Variants in UNC13C observed in about 807,000 individuals in gnomAD.
UNC13C encodes the protein protein unc-13 homolog C.
In UNC13C, 174 loss-of-function variants were observed where a neutral mutation model predicts 245.4. The ratio of observed to expected loss-of-function variants is 0.71; its 90% CI spans 0.63 to 0.80. The LOEUF (loss-of-function observed/expected upper bound fraction) is 0.80. UNC13C is among the 30% of genes least tolerant of loss of function. The pLI is 0.00. For missense variants in UNC13C, 2,829 were observed against 2,602.9 expected, an observed-to-expected ratio of 1.09 and a Z score of -1.89; for synonymous variants, 992 against 895.1, an observed-to-expected ratio of 1.11 and a Z score of -1.93.
intron 1 of UNC13C, among the ~76,000 whole-genome samples, chr15:53,984,493 A>T (rs1039110999): frequency 2.0e-5 from 3 of 152,190 alleles, no homozygotes; most frequent in Admixed American, 6.6e-5. Context: ...GTGTTTGTGC[A>T]AACTTTGGCA....
intron 2 of UNC13C, among the ~76,000 whole-genome samples, chr15:54,054,441 A>T (rs1362556799): frequency 6.6e-6 from 1 of 152,184 alleles, no homozygotes; most frequent in Non-Finnish European, 1.5e-5. Flanking sequence ...TCACAGGATG[A>T]TTTCCTGCTA....
intron 2 of UNC13C, among the ~76,000 whole-genome samples, chr15:54,032,428 G>A (rs202070933): frequency 2.3e-4 from 35 of 152,288 alleles, no homozygotes; most frequent in East Asian, 1.9e-3. Flanking sequence ...CCTTCATTGC[G>A]TTGATGAGTG....
intron 17 of UNC13C, among the ~76,000 whole-genome samples, chr15:54,338,766 C>T (rs1447867668): frequency 6.6e-6 from 1 of 152,168 alleles, no homozygotes; most frequent in Non-Finnish European, 1.5e-5. Flanking sequence ...TTCTCAAGGT[C>T]ACAAGGTAGG....
intron 18 of UNC13C, among the ~76,000 whole-genome samples, chr15:54,403,462 A>G (rs917960197): frequency 1.3e-5 from 2 of 152,030 alleles, no homozygotes; most frequent in African/African-American, 4.8e-5. Context: ...TGGTTCACGC[A>G]TGTAATCCCA....
intron 19 of UNC13C, among the ~76,000 whole-genome samples, chr15:54,455,199 CTCTCTCTATATATATATATA>C (rs1469886860): frequency 1.3e-4 from 5 of 38,766 alleles, no homozygotes; most frequent in African/African-American, 4.2e-4. Flanking sequence ...CTCTCTCTCT[CTCTCTCTATATATATATATA>C]TATATATATA....
intron 26 of UNC13C, among the ~76,000 whole-genome samples, chr15:54,535,523 A>C (rs1306758924): frequency 1.3e-5 from 2 of 152,116 alleles, no homozygotes; most frequent in Non-Finnish European, 2.9e-5. Flanking sequence ...CAGGATACTC[A>C]ACCCAACAAA....
At chr15:54,358,479 A>G (rs966509288) in intron 17 of UNC13C, among the ~76,000 whole-genome samples, 9 of 152,084 alleles carry the variant, frequency 5.9e-5, no homozygotes, top group African/African-American at 2.2e-4. Flanking sequence ...AATTATTTGC[A>G]TCTTCTTCAA....
At position 53,978,839 on chromosome 15, in the gene UNC13C, T is replaced by A. The variant is rs950465994; in HGVS notation, c.-345T>A. On this transcript the variant is annotated 5_prime_UTR_variant, in exon 1 of 33. Transcript: ENST00000260323. ...ACTAGAAACACAATTGCAAGTGGTG[T>A]TCCTAAAAGGAAAACACATACACTC... Among the ~76,000 whole-genome samples the A allele has an allele frequency of 2.0e-5, 3 of 152,196 alleles. No individual in the cohort carries two copies. The South Asian group carries it at 6.2e-4, about 32-fold the overall frequency.
At chr15:54,568,413 G>GA (rs1049047855) in intron 30 of UNC13C, among the ~76,000 whole-genome samples, 11 of 152,058 alleles carry the variant, frequency 7.2e-5, no homozygotes, top group African/African-American at 2.6e-4. Context: ...CATTTCATAT[G>GA]AAAAAAATTA....
Position 54,322,075 on chromosome 15 carries a change from T to C in UNC13C, c.4405T>C (p.Phe1469Leu). Residue 1469 changes from phenylalanine to leucine, a missense_variant, in exon 14 of 33, where the codon TTT becomes CTT. Phe to Leu is a conservative substitution (Grantham distance 22). Transcript: ENST00000260323. ...TNIQVSASDR[F>L]AATNFGREKF... ...CATACAGGTTTCTGCCTCAGATCGA[T>C]TTGCTGCTACCAACTTTGGTGTAAG... 1 of 1,580,638 alleles carries C rather than the reference T, an allele frequency of 6.3e-7. No homozygotes were observed. Among genetic ancestry groups the C allele is most frequent in the Non-Finnish European group, 8.6e-7 (1 of 1,163,212 alleles).
At chr15:53,921,410 T>C in the UNC13C span, among the ~76,000 whole-genome samples, 2 of 152,222 alleles carry the variant, frequency 1.3e-5, no homozygotes, top group Non-Finnish European at 2.9e-5. Context: ...TGTAACTTTA[T>C]GTCAGTAAAA....
Position 54,015,224 on chromosome 15 carries a change from C to A in UNC13C, c.2321C>A (p.Ala774Asp). 1 of 1,612,932 alleles carries A rather than the reference C, an allele frequency of 6.2e-7. No homozygotes were observed. The highest frequency in any genetic ancestry group is 8.5e-7 in the Non-Finnish European group (1 of 1,179,520). Residue 774 changes from alanine to aspartate, a missense_variant, in exon 2 of 33, where the codon GCC becomes GAC. Ala to Asp is a moderately radical substitution (Grantham distance 126). Coordinates refer to ENST00000260323, the MANE Select transcript of UNC13C (RefSeq NM_001080534.3). Reference sequence around the variant, plus strand: ...TTGCAAAGTGATGATTCAGAGGATGCCCCACCCAAATCATGGCATAGTCGA... The same window carrying A: ...TTGCAAAGTGATGATTCAGAGGATGACCCACCCAAATCATGGCATAGTCGA... ...SELQSDDSEDAPPKSWHSRLS... is the reference protein window; with the variant it reads ...SELQSDDSEDDPPKSWHSRLS...
At chr15:54,417,105 T>A in intron 19 of UNC13C, 1 of 378,616 alleles carries the variant, frequency 2.6e-6, no homozygotes, top group South Asian at 1.9e-5. Flanking sequence ...TTTGTTGATT[T>A]GATTATGTAT....
intron 26 of UNC13C, among the ~76,000 whole-genome samples, chr15:54,544,742 GA>G (rs1365216776): frequency 1.3e-5 from 2 of 152,130 alleles, no homozygotes; most frequent in African/African-American, 4.8e-5. Flanking sequence ...ACTTACAAGG[GA>G]AGTGAAGGAC....
downstream of UNC13C, chr15:54,629,078 C>T (rs1226898514): frequency 1.3e-5 from 2 of 152,112 alleles, no homozygotes; most frequent in African/African-American, 4.8e-5. Context: ...AAATGTGGTA[C>T]ATATACACCG....
At chr15:54,326,530 A>G (rs572508931) in intron 14 of UNC13C, among the ~76,000 whole-genome samples, 18 of 152,118 alleles carry the variant, frequency 1.2e-4, no homozygotes, top group Admixed American at 1.1e-3. Flanking sequence ...ATGGGAAGGT[A>G]AGGAAATTCA....
chr15:54,066,919 CAG>C (rs1349910401), intron 2 of UNC13C, among the ~76,000 whole-genome samples: 1 of 151,946 alleles, frequency 6.6e-6, no homozygotes, highest in Non-Finnish European at 1.5e-5. Flanking sequence ...AAGGGGAAAA[CAG>C]AAAAATTGTT....
At chr15:53,843,527 A>G in the UNC13C span, among the ~76,000 whole-genome samples, 1 of 151,644 alleles carries the variant, frequency 6.6e-6, no homozygotes, top group Non-Finnish European at 1.5e-5. Context: ...TGTTTTACTT[A>G]TTTTTTTATA....
At chr15:54,476,741 A>T (rs200023103) in intron 19 of UNC13C, among the ~76,000 whole-genome samples, 1 of 144,106 alleles carries the variant, frequency 6.9e-6, no homozygotes, top group South Asian at 2.3e-4. Context: ...GTCAGGTAGC[A>T]TGATGCCTCC....
Sources: gnomAD v4.1 joint callset for allele counts (sites outside exome capture counted in the v4.1 genomes callset) on GRCh38, gnomAD v4.1.1 for gene constraint, MANE v1.5 for transcripts, NCBI Gene and HGNC (gene_info 2026-07-23, HGNC 2026-07-21) for gene names.